GLB1L2: variants seen among roughly 807,000 people sequenced by gnomAD.
GLB1L2 encodes the protein galactosidase beta 1 like 2.
In GLB1L2, 68 loss-of-function variants were observed where a neutral mutation model predicts 84.1. The observed-to-expected ratio is 0.81, with a 90% CI of 0.67 to 0.99. The LOEUF is 0.99. GLB1L2 is among the 50% of genes least tolerant of loss of function. The pLI, the probability that GLB1L2 is intolerant of heterozygous loss-of-function variation, is 0.00. For missense variants in GLB1L2, 762 were observed against 805.6 expected (o/e 0.95, Z 0.66); for synonymous variants, 290 against 318.0 (o/e 0.91, Z 0.94).
intron 1 of GLB1L2, among the ~76,000 whole-genome samples, chr11:134,332,537 C>T (rs1943316731): frequency 6.6e-6 from 1 of 152,176 alleles, no homozygotes; most frequent in Non-Finnish European, 1.5e-5. Flanking sequence ...GCCCTTCCCC[C>T]AGGCCCCCCT....
At position 134,339,792 on chromosome 11, in the gene GLB1L2, G is replaced by C. The variant is rs1211323532; in HGVS notation, c.87-2962G>C. 6.6e-6 allele frequency among the ~76,000 whole-genome samples: 1 copy of C among 152,104 alleles called. No individual in the cohort carries two copies. Among genetic ancestry groups the C allele is most frequent in the East Asian group, 1.9e-4 (1 of 5,182 alleles). On this transcript the variant is annotated intron_variant, in intron 1 of 18. Coordinates refer to ENST00000535456, the MANE Select transcript of GLB1L2 (RefSeq NM_001370461.1). This position sits in a 1 kb window ranked among gnomAD's most constrained non-coding sequence, Gnocchi z 5.7. ...TTTTGATTCAGTAGGTCTCAAGTAA[G>C]GCTTAAGGTTTATGCATTTCTGACA...
At chr11:134,358,332 G>A (rs539537577) in intron 6 of GLB1L2, among the ~76,000 whole-genome samples, 1 of 152,360 alleles carries the variant, frequency 6.6e-6, no homozygotes, top group South Asian at 2.1e-4. Context: ...CCTCCGAGGC[G>A]CGTCTCTACT....
rs374582962 is a variant in GLB1L2 at position 134,347,461 on chromosome 11, C to T, written c.558+28C>T. 2.1e-6 allele frequency: 3 copies of T among 1,462,636 alleles called. No homozygotes were observed. In the South Asian group the frequency reaches 3.4e-5, roughly 17 times the overall value. The allele number at this position is 1,462,636 out of a possible 1,614,324, so 90.6% of individuals were successfully genotyped here. ...ACAAGCAAATGGGGTCTTCTTTGAT[C>T]TTGGTCTGTCTTCCTCTAGGTCGTG... On this transcript the variant is annotated intron_variant, in intron 5 of 18. Transcript: ENST00000535456.
chr11:134,351,508 G>A (rs528512708), intron 5 of GLB1L2, among the ~76,000 whole-genome samples: 35 of 152,104 alleles, frequency 2.3e-4, no homozygotes, highest in African/African-American at 6.7e-4. Context: ...ACCATGCCCA[G>A]CTAATTTTGT....
intron 9 of GLB1L2, among the ~76,000 whole-genome samples, chr11:134,367,638 G>A (rs568110075): frequency 1.3e-5 from 2 of 152,178 alleles, no homozygotes; most frequent in African/African-American, 4.8e-5. Flanking sequence ...AGAGCACAGA[G>A]AAAACACTTA....
At chr11:134,367,812 C>T (rs1247492399) in intron 9 of GLB1L2, among the ~76,000 whole-genome samples, 1 of 152,230 alleles carries the variant, frequency 6.6e-6, no homozygotes, top group African/African-American at 2.4e-5. Context: ...ATTTACATGA[C>T]TGTTTTAAAG....
Position 134,364,421 on chromosome 11 carries a change from T to A in GLB1L2, c.804+23T>A, listed in dbSNP as rs550307967. On this transcript the variant is annotated intron_variant, in intron 8 of 18. Coordinates refer to ENST00000535456, the MANE Select transcript of GLB1L2 (RefSeq NM_001370461.1). ...CAGGTAAGTCCAGCCCCAGGGAAGC[T>A]GCGGCCCGCCCTGCTCAGCGGCCTA... The A allele has an allele frequency of 5.1e-4, 808 of 1,592,686 alleles. 4 individuals carry two copies. In the African/African-American group the frequency reaches 6.8e-3, roughly 13 times the overall value.
Position 134,342,750 on chromosome 11 carries a change from C to T in GLB1L2, c.87-4C>T. On this transcript the variant is annotated splice_polypyrimidine_tract_variant and splice_region_variant and intron_variant, in intron 1 of 18. Transcript: ENST00000535456. ...CAGGCTCCAGAATGTCTTTGTCTTTCCAGGCTGGACTGGAGCACCCTGGTC... is the reference window on the plus strand; with the variant it reads ...CAGGCTCCAGAATGTCTTTGTCTTTTCAGGCTGGACTGGAGCACCCTGGTC... The T allele has an allele frequency of 6.2e-7, 1 of 1,612,838 alleles. No individual in the cohort carries two copies. The highest frequency in any genetic ancestry group is 8.5e-7 in the Non-Finnish European group (1 of 1,179,506).
At position 134,370,545 on chromosome 11, in the gene GLB1L2, G is replaced by C. The variant is rs1034285088; in HGVS notation, c.1215+146G>C. 4.6e-6 allele frequency: 3 copies of C among 656,990 alleles called. No individual in the cohort carries two copies. Among genetic ancestry groups the C allele is most frequent in the Non-Finnish European group, 5.4e-6 (2 of 372,386 alleles). 40.7% of individuals were successfully genotyped at this position (656,990 alleles called of 1,614,324 possible). A position where few individuals can be genotyped will look rare whatever the true frequency, so the allele number is the denominator to read the frequency against. On this transcript the variant is annotated intron_variant, in intron 12 of 18. Coordinates refer to ENST00000535456, the MANE Select transcript of GLB1L2 (RefSeq NM_001370461.1). The surrounding 1 kb of genome is among the most constrained non-coding windows in gnomAD (Gnocchi z 4.7). ...GAGCCCCTCCAGACAGGGAGTGTGG[G>C]GGGAGGCAGGCCAGTGCCTGGTGGC...
chr11:134,368,820 G>C (rs149574035), intron 10 of GLB1L2, 39 bp downstream of exon 10: 1 of 1,606,056 alleles, frequency 6.2e-7, no homozygotes, highest in Non-Finnish European at 8.5e-7. Context: ...GGTCTGCCCT[G>C]CATGGGCATG....
chr11:134,367,416 C>T (rs1943880517), intron 9 of GLB1L2, 75 bp downstream of exon 9: 2 of 1,269,932 alleles, frequency 1.6e-6, no homozygotes, highest in East Asian at 4.8e-5. Flanking sequence ...CACCTGCTAA[C>T]TAATGTAAGC....
chr11:134,363,873 CTTAT>C (rs950967979), intron 7 of GLB1L2, among the ~76,000 whole-genome samples: 1 of 152,060 alleles, frequency 6.6e-6, no homozygotes, highest in African/African-American at 2.4e-5. Flanking sequence ...TCCTGGCTGA[CTTAT>C]TTATTTATTT....
rs1361838885 is a variant in GLB1L2, at chr11:134,339,564, T to C, written c.87-3190T>C. Among the ~76,000 whole-genome samples the C allele has an allele frequency of 6.6e-6, 1 of 152,104 alleles. No homozygotes were observed. Among genetic ancestry groups the C allele is most frequent in the Non-Finnish European group, 1.5e-5 (1 of 68,018 alleles). ...AATTTGGAATTGGATAACAGCTAGA[T>C]TGTTTTTTATTCTTGTTGTTTATTT... On this transcript the variant is annotated intron_variant, in intron 1 of 18. Coordinates refer to ENST00000535456, the MANE Select transcript of GLB1L2 (RefSeq NM_001370461.1). This position sits in a 1 kb window ranked among gnomAD's most constrained non-coding sequence, Gnocchi z 5.7.
rs1320153209 is a variant in GLB1L2 at position 134,375,665 on chromosome 11, G to C, written c.*607G>C. 1 of 152,448 alleles carries C rather than the reference G, an allele frequency of 6.6e-6. No homozygotes were observed. Among genetic ancestry groups the C allele is most frequent in the Non-Finnish European group, 1.5e-5 (1 of 68,200 alleles). 9.4% of individuals were successfully genotyped at this position (152,448 alleles called of 1,614,324 possible). ...CTCGCTGCTTCCCACAGGGTGACAG[G>C]CTGGGCTGGAGAAACAGAAATCCTC... On this transcript the variant is annotated 3_prime_UTR_variant, in exon 19 of 19. Transcript: ENST00000535456.
At chr11:134,332,312 G>A (rs542515734) in intron 1 of GLB1L2, among the ~76,000 whole-genome samples, 165 bp downstream of exon 1, 33 of 152,228 alleles carry the variant, frequency 2.2e-4, no homozygotes, top group Admixed American at 1.5e-3. Context: ...CCCTGCGGCT[G>A]CAGGCACTCT....
chr11:134,356,327 C>T lies in GLB1L2; in HGVS notation c.585C>T (p.Ala195=), dbSNP rs779115523. ...ACAAGCGTGGGGGACCTATCATTGC[C>T]GTGCAGGTGGAGAATGAATATGGTT... The part of the protein sequence containing the change: ...LQYKRGGPII[A]VQVENEYGSY... Residue 195 remains alanine, a synonymous_variant, in exon 6 of 19, where the codon GCC becomes GCT. Coordinates refer to ENST00000535456, the MANE Select transcript of GLB1L2 (RefSeq NM_001370461.1). The T allele has an allele frequency of 9.0e-5, 146 of 1,613,876 alleles. No homozygotes were observed. Among genetic ancestry groups the T allele is most frequent in the Non-Finnish European group, 1.1e-4 (133 of 1,179,914 alleles).
In GLB1L2 at chr11:134,338,508, G is replaced by A. The variant is rs1012566877; in HGVS notation, c.87-4246G>A. On this transcript the variant is annotated intron_variant, in intron 1 of 18. Transcript: ENST00000535456. The surrounding 1 kb of genome is among the most constrained non-coding windows in gnomAD (Gnocchi z 6.2). ...CTTTTCCATCCACTCACATCCGGGA[G>A]CACTTTTTACTACACCTGGAATCTC... Among the ~76,000 whole-genome samples, 1 of 152,084 alleles carries A rather than the reference G, an allele frequency of 6.6e-6. No individual in the cohort carries two copies. The highest frequency in any genetic ancestry group is 1.5e-5 in the Non-Finnish European group (1 of 68,022).
chr11:134,342,618 C>T (rs1290128432), intron 1 of GLB1L2, 136 bp from the exon 2 acceptor site: 2 of 830,156 alleles, frequency 2.4e-6, no homozygotes, highest in Non-Finnish European at 3.7e-6. Flanking sequence ...CTGGCTGAGG[C>T]GGAGGGGAGC....
At chr11:134,363,295 A>G (rs1943823313) in intron 7 of GLB1L2, among the ~76,000 whole-genome samples, 1 of 152,054 alleles carries the variant, frequency 6.6e-6, no homozygotes, top group Non-Finnish European at 1.5e-5. Flanking sequence ...AAGTTATTTC[A>G]CTTCCCCGGA....
Sources: gnomAD v4.1 joint callset for allele counts (sites outside exome capture counted in the v4.1 genomes callset) on GRCh38, gnomAD v4.1.1 for gene constraint, Gnocchi (gnomAD v3.1) non-coding constraint, MANE v1.5 for transcripts, NCBI Gene and HGNC (gene_info 2026-07-23, HGNC 2026-07-21) for gene names.